DUSP13A: variants seen among roughly 807,000 people sequenced by gnomAD.
DUSP13A encodes dual specificity protein phosphatase 13A.
chr10:75,107,313 C>A, the DUSP13A span, among the ~76,000 whole-genome samples: 1 of 150,802 alleles, frequency 6.6e-6, no homozygotes, highest in Admixed American at 6.6e-5. Context: ...CGCCACTGCA[C>A]TCCAGCTTGG....
chr10:75,105,873 G>A, the DUSP13A span: 1 of 1,545,902 alleles, frequency 6.5e-7, no homozygotes, highest in Non-Finnish European at 8.7e-7. Context: ...CCTTGGCTGA[G>A]GAAGACATCC....
chr10:75,106,101 C>CTTTTTTTTTTTTTTT, the DUSP13A span, among the ~76,000 whole-genome samples: 1 of 123,024 alleles, frequency 8.1e-6, no homozygotes, highest in Non-Finnish European at 1.7e-5. Context: ...TCTTTCTTTT[C>CTTTTTTTTTTTTTTT]TTTTTTTTTT....
chr10:75,108,985 G>A, the DUSP13A span: 1 of 1,577,068 alleles, frequency 6.3e-7, no homozygotes, highest in Non-Finnish European at 8.6e-7. Flanking sequence ...CCACCCCCAT[G>A]CCCCTTGGCC....
the DUSP13A span, among the ~76,000 whole-genome samples, chr10:75,106,799 T>C: frequency 6.6e-6 from 1 of 152,230 alleles, no homozygotes; most frequent in Non-Finnish European, 1.5e-5. Flanking sequence ...GGTGAATGAA[T>C]GGATAAATAG....
At chr10:75,109,125 T>TC in the DUSP13A span, 1 of 1,605,270 alleles carries the variant, frequency 6.2e-7, no homozygotes, top group South Asian at 1.1e-5. Flanking sequence ...CTTTGTCCTC[T>TC]CCCCCCAGCT....
At chr10:75,105,750 G>T in the DUSP13A span, 5 of 1,554,154 alleles carry the variant, frequency 3.2e-6, no homozygotes, top group Non-Finnish European at 4.3e-6. Context: ...AGACCCATCG[G>T]TGCTGCCTCA....
At chr10:75,109,050 G>T in the DUSP13A span, 1 of 1,611,690 alleles carries the variant, frequency 6.2e-7, no homozygotes, top group Non-Finnish European at 8.5e-7. Context: ...CGTCCACACG[G>T]CTGCAAGAAG....
chr10:75,107,957 C>A, the DUSP13A span: 1 of 1,580,508 alleles, frequency 6.3e-7, no homozygotes. Context: ...CATGAATGAG[C>A]AAGATGGGAT....
the DUSP13A span, chr10:75,108,342 T>C: frequency 3.5e-6 from 5 of 1,438,250 alleles, no homozygotes; most frequent in African/African-American, 7.2e-5. Flanking sequence ...AAGCTCCAAG[T>C]GGGGTCTGAC....
the DUSP13A span, chr10:75,109,003 A>C: frequency 6.3e-7 from 1 of 1,595,348 alleles, no homozygotes; most frequent in Non-Finnish European, 8.6e-7. Flanking sequence ...GCCAGCTACC[A>C]CTCACGCATC....
chr10:75,106,499 C>A, the DUSP13A span, among the ~76,000 whole-genome samples: 77 of 152,284 alleles, frequency 5.1e-4, 1 homozygote, highest in South Asian at 7.3e-3. Flanking sequence ...CTTGACCGCT[C>A]AAAGTATTGC....
the DUSP13A span, among the ~76,000 whole-genome samples, chr10:75,106,961 G>C: frequency 2.6e-5 from 4 of 152,220 alleles, no homozygotes; most frequent in Non-Finnish European, 5.9e-5. Context: ...TTCTAGGATG[G>C]ACACAAAGCC....
the DUSP13A span, among the ~76,000 whole-genome samples, chr10:75,106,230 C>T: frequency 6.6e-6 from 1 of 151,756 alleles, no homozygotes; most frequent in East Asian, 1.9e-4. Flanking sequence ...GCGTGAGACA[C>T]CGCTCCTGGC....
the DUSP13A span, among the ~76,000 whole-genome samples, chr10:75,107,423 T>C: frequency 6.6e-6 from 1 of 151,498 alleles, no homozygotes; most frequent in South Asian, 2.1e-4. Context: ...CAAAGTTGAG[T>C]GTTGCAGAGA....
chr10:75,109,131 C>G, the DUSP13A span: 40 of 1,605,842 alleles, frequency 2.5e-5, no homozygotes, highest in Middle Eastern at 1.7e-4. Context: ...CCTCTCCCCC[C>G]AGCTCTGGGA....
At chr10:75,107,365 A>G in the DUSP13A span, among the ~76,000 whole-genome samples, 1 of 151,234 alleles carries the variant, frequency 6.6e-6, no homozygotes, top group Non-Finnish European at 1.5e-5. Context: ...AAAAAAGGAG[A>G]AAAAAAGTAC....
chr10:75,106,400 G>A, the DUSP13A span, among the ~76,000 whole-genome samples: 1 of 151,924 alleles, frequency 6.6e-6, no homozygotes, highest in African/African-American at 2.4e-5. Context: ...CCAAATACCT[G>A]CAAATTGTTT....
At chr10:75,108,298 A>C in the DUSP13A span, 98 of 1,503,590 alleles carry the variant, frequency 6.5e-5, 1 homozygote, top group South Asian at 1.2e-3. Flanking sequence ...AGAGGGACCG[A>C]GCCATTAGGG....
the DUSP13A span, among the ~76,000 whole-genome samples, chr10:75,108,549 G>A: frequency 5.3e-5 from 8 of 152,044 alleles, no homozygotes; most frequent in African/African-American, 9.7e-5. Context: ...ACGCATATCC[G>A]TCCTCTACTG....
Sources: gnomAD v4.1 joint callset for allele counts (sites outside exome capture counted in the v4.1 genomes callset) on GRCh38, gnomAD v4.1.1 for gene constraint, MANE v1.5 for transcripts, NCBI Gene and HGNC (gene_info 2026-07-23, HGNC 2026-07-21) for gene names.